The following SSPN variants were observed in gnomAD, a reference collection of about 807,000 sequenced individuals.
The protein encoded by SSPN is sarcospan.
In SSPN, 15 loss-of-function variants were observed where a neutral mutation model predicts 19.1. That is an observed-to-expected ratio of 0.78 (90% CI 0.52 to 1.21). SSPN has a LOEUF of 1.21. Among genes scored for constraint, SSPN ranks in the 50% most tolerant of loss-of-function variants. SSPN has a pLI of 0.00. For synonymous variants in SSPN, 147 were observed against 140.3 expected, an observed-to-expected ratio of 1.05 and a Z score of -0.34; for missense variants, 291 against 314.0, an observed-to-expected ratio of 0.93 and a Z score of 0.55.
intron 1 of SSPN, among the ~76,000 whole-genome samples, chr12:26,205,661 T>C (rs769578989): frequency 1.3e-5 from 2 of 152,222 alleles, no homozygotes; most frequent in Non-Finnish European, 2.9e-5. Context: ...GCAGGAGGAC[T>C]GTGCCTACCT....
chr12:26,163,027 C>G (rs2137426148), intron 1 of SSPN, among the ~76,000 whole-genome samples: 2 of 94,572 alleles, frequency 2.1e-5, no homozygotes, highest in East Asian at 6.5e-4. Context: ...GTGTGTGCTT[C>G]AAGACGTGTG....
At chr12:26,143,834 G>A (rs4963649) in intron 1 of SSPN, among the ~76,000 whole-genome samples, 40,600 of 151,992 alleles carry the variant, frequency 0.27, 5,622 homozygotes, top group South Asian at 0.37. Context: ...TTGCATTGCC[G>A]CCTGAGCTCC....
At chr12:26,205,896 G>A (rs536672478) in intron 1 of SSPN, among the ~76,000 whole-genome samples, 2 of 152,306 alleles carry the variant, frequency 1.3e-5, no homozygotes, top group East Asian at 3.9e-4. Flanking sequence ...AACCCACACA[G>A]GTTGGCTTTG....
At chr12:26,124,336 G>A (rs572568172) in intron 1 of SSPN, among the ~76,000 whole-genome samples, 12 of 131,234 alleles carry the variant, frequency 9.1e-5, no homozygotes, top group Non-Finnish European at 1.8e-4. Flanking sequence ...GTTCTGCAAT[G>A]CAATTTAAAT....
intron 1 of SSPN, chr12:26,124,253 G>GCT (rs1944342074): frequency 1.5e-5 from 12 of 787,448 alleles, no homozygotes; most frequent in South Asian, 6.0e-5. Flanking sequence ...ACCCTCGTCT[G>GCT]CCCCCCCCGC....
intron 1 of SSPN, among the ~76,000 whole-genome samples, chr12:26,178,282 C>T (rs2137438969): frequency 6.6e-6 from 1 of 152,192 alleles, no homozygotes; most frequent in South Asian, 2.1e-4. Flanking sequence ...GCTTTGGTTT[C>T]CTCATCTGTT....
chr12:26,157,028 G>T (rs909732068), intron 1 of SSPN, among the ~76,000 whole-genome samples: 2 of 152,100 alleles, frequency 1.3e-5, no homozygotes, highest in Non-Finnish European at 2.9e-5. Flanking sequence ...GGGGGAAAAG[G>T]TTTAGAGCAG....
chr12:26,224,360 GTA>G lies in SSPN; in HGVS notation c.349_350del (p.Ile117SerfsTer39), dbSNP rs773245079. On this transcript the variant is annotated frameshift_variant, in exon 2 of 3. Coordinates refer to ENST00000242729, the MANE Select transcript of SSPN (RefSeq NM_005086.5). LOFTEE classifies it high-confidence loss of function. ...TCATATCAGGTTGACGAACGGACAT[GTA>G]TTCAATTTTCTATGAAAGTAAGTTG... The G allele has an allele frequency of 8.7e-6, 14 of 1,613,560 alleles. No homozygotes were observed. The South Asian group carries it at 1.4e-4, about 16-fold the overall frequency.
intron 1 of SSPN, among the ~76,000 whole-genome samples, chr12:26,189,975 A>G (rs1944777623): frequency 6.6e-6 from 1 of 152,202 alleles, no homozygotes; most frequent in Non-Finnish European, 1.5e-5. Flanking sequence ...TAGATTTGGG[A>G]GTCTTCAGTG....
upstream of SSPN, among the ~76,000 whole-genome samples, chr12:26,194,348 C>T (rs1190300420): frequency 6.6e-6 from 1 of 152,232 alleles, no homozygotes; most frequent in Non-Finnish European, 1.5e-5. Context: ...AAGCGTCTAT[C>T]TCTAAGATGG....
At chr12:26,125,753 C>T (rs1191405940) in intron 1 of SSPN, 2 of 151,018 alleles carry the variant, frequency 1.3e-5, no homozygotes, top group Non-Finnish European at 2.9e-5. Flanking sequence ...GCGTGTGCTC[C>T]TGGAGGAACG....
intron 1 of SSPN, among the ~76,000 whole-genome samples, chr12:26,161,177 G>A (rs923629812): frequency 6.6e-6 from 1 of 151,576 alleles, no homozygotes; most frequent in Non-Finnish European, 1.5e-5. Context: ...ACCTTGCATG[G>A]CTTCCGTTTT....
chr12:26,122,174 C>G, intron 1 of SSPN: 1 of 1,507,466 alleles, frequency 6.6e-7, no homozygotes, highest in Non-Finnish European at 8.9e-7. Context: ...CGTGCGGGTG[C>G]TGGGGGTGCG....
At chr12:26,205,777 G>C (rs991648036) in intron 1 of SSPN, among the ~76,000 whole-genome samples, 1 of 152,226 alleles carries the variant, frequency 6.6e-6, no homozygotes, top group African/African-American at 2.4e-5. Context: ...ACCGCATACA[G>C]AATTCTGTGT....
intron 1 of SSPN, among the ~76,000 whole-genome samples, chr12:26,202,123 C>T (rs1944891426): frequency 6.6e-6 from 1 of 152,060 alleles, no homozygotes; most frequent in Non-Finnish European, 1.5e-5. Flanking sequence ...AATATAAATA[C>T]TATGTAAACA....
intron 1 of SSPN, among the ~76,000 whole-genome samples, chr12:26,138,505 C>T (rs2137403262): frequency 6.6e-6 from 1 of 152,298 alleles, no homozygotes; most frequent in Non-Finnish European, 1.5e-5. Context: ...ATAATCTGGC[C>T]TGTCCAATGT....
At chr12:26,133,124 C>T (rs748980560) in intron 1 of SSPN, among the ~76,000 whole-genome samples, 6 of 152,210 alleles carry the variant, frequency 3.9e-5, no homozygotes, top group Non-Finnish European at 8.8e-5. Context: ...TCATCATATA[C>T]TTGACTCCCT....
intron 2 of SSPN, among the ~76,000 whole-genome samples, chr12:26,230,424 T>C (rs1945217438): frequency 1.3e-5 from 2 of 152,186 alleles, no homozygotes; most frequent in African/African-American, 4.8e-5. Flanking sequence ...TGGCAATATC[T>C]AGACAAAAAC....
In SSPN at chr12:26,232,934, T is replaced by TAGA. The variant is rs1945249014; in HGVS notation, c.*1859_*1860insGAA. The stretch of plus-strand genomic sequence containing the variant: ...ACCTGTAAAATACCTTGTGCCCTAT[T>TAGA]AAAAAAAAAAAAAAAAAAAAAGCCA... On this transcript the variant is annotated 3_prime_UTR_variant, in exon 3 of 3. Coordinates refer to ENST00000242729, the MANE Select transcript of SSPN (RefSeq NM_005086.5). 1 of 81,346 alleles carries TAGA rather than the reference T, an allele frequency of 1.2e-5. No individual in the cohort carries two copies. 5.0% of individuals were successfully genotyped at this position (81,346 alleles called of 1,614,324 possible).
Sources: gnomAD v4.1 joint callset for allele counts (sites outside exome capture counted in the v4.1 genomes callset) on GRCh38, gnomAD v4.1.1 for gene constraint, MANE v1.5 for transcripts, NCBI Gene and HGNC (gene_info 2026-07-23, HGNC 2026-07-21) for gene names.